Variants in GRM1 observed in about 807,000 individuals in gnomAD.
The protein encoded by GRM1 is metabotropic glutamate receptor 1.
GRM1 carries 33 observed loss-of-function variants against 90.9 expected under a neutral mutation model. The ratio of observed to expected loss-of-function variants is 0.36; its 90% CI spans 0.28 to 0.49. GRM1 has a LOEUF of 0.49. GRM1 is among the 20% of genes least tolerant of loss of function. GRM1 has a pLI of 0.99. For missense variants in GRM1, 1,190 were observed against 1,534.3 expected, an observed-to-expected ratio of 0.78 and a Z score of 3.75; for synonymous variants, 700 against 613.2, an observed-to-expected ratio of 1.14 and a Z score of -2.09.
chr6:146,212,476 C>CT (rs1779715726), intron 2 of GRM1, among the ~76,000 whole-genome samples: 1 of 152,170 alleles, frequency 6.6e-6, no homozygotes. Flanking sequence ...GAGAAAATCT[C>CT]TGAGTTATCT....
At position 146,169,663 on chromosome 6, in the gene GRM1, C is replaced by T. The variant is rs142788048; in HGVS notation, c.950+10066C>T. On this transcript the variant is annotated intron_variant, in intron 2 of 7. Coordinates refer to ENST00000282753, the MANE Select transcript of GRM1 (RefSeq NM_001278064.2). The stretch of plus-strand genomic sequence containing the variant: ...TTCTTATTTTTCGCTGAATTTCCCC[C>T]GCCCTGTTCTGCAGCCTAGAGACTA... 2.8e-3 allele frequency among the ~76,000 whole-genome samples: 430 copies of T among 152,290 alleles called. 3 individuals carry two copies. The highest frequency in any genetic ancestry group is 9.5e-3 in the African/African-American group (393 of 41,548).
intron 2 of GRM1, among the ~76,000 whole-genome samples, chr6:146,215,074 G>A (rs1779823378): frequency 2.6e-5 from 4 of 152,114 alleles, no homozygotes; most frequent in South Asian, 4.1e-4. Context: ...CTTTTCCATG[G>A]TCTGACTGCA....
In GRM1 at chr6:146,238,989, G is replaced by A. The variant is rs544643145; in HGVS notation, c.951-65622G>A. Among the ~76,000 whole-genome samples, 11 of 152,248 alleles carry A rather than the reference G, an allele frequency of 7.2e-5. No homozygotes were observed. The East Asian group carries it at 2.1e-3, about 29-fold the overall frequency. On this transcript the variant is annotated intron_variant, in intron 2 of 7. Coordinates refer to ENST00000282753, the MANE Select transcript of GRM1 (RefSeq NM_001278064.2). ...TCTGCTAATGATAACATTTGACTAT[G>A]AGATTCTTCCTTAACCTTCATACCT...
chr6:146,079,909 T>G (rs1776307441), intron 1 of GRM1, among the ~76,000 whole-genome samples: 1 of 152,236 alleles, frequency 6.6e-6, no homozygotes, highest in African/African-American at 2.4e-5. Context: ...GTTAAAGGTT[T>G]AAAAGATGCC....
At chr6:146,277,011 G>A (rs570928246) in intron 2 of GRM1, among the ~76,000 whole-genome samples, 1 of 152,252 alleles carries the variant, frequency 6.6e-6, no homozygotes, top group East Asian at 1.9e-4. Flanking sequence ...AGGAGGCTGA[G>A]GTGGGAGAAC....
intron 5 of GRM1, among the ~76,000 whole-genome samples, chr6:146,383,064 G>C (rs1255467433): frequency 6.6e-6 from 1 of 152,044 alleles, no homozygotes; most frequent in Non-Finnish European, 1.5e-5. Context: ...AAGATAGAAA[G>C]GATAAATTTC....
At chr6:146,336,015 T>C (rs1784761460) in intron 3 of GRM1, among the ~76,000 whole-genome samples, 1 of 152,206 alleles carries the variant, frequency 6.6e-6, no homozygotes, top group African/African-American at 2.4e-5. Flanking sequence ...CTCCTTCACC[T>C]TCTGCCTTGA....
intron 2 of GRM1, among the ~76,000 whole-genome samples, chr6:146,256,275 G>A (rs911563976): frequency 2.0e-5 from 3 of 152,160 alleles, no homozygotes; most frequent in Admixed American, 2.0e-4. Flanking sequence ...TGCTTAGAGA[G>A]TCCTTGGCTG....
intron 2 of GRM1, among the ~76,000 whole-genome samples, chr6:146,189,272 C>T (rs1778850550): frequency 6.6e-6 from 1 of 152,094 alleles, no homozygotes; most frequent in Non-Finnish European, 1.5e-5. Flanking sequence ...TCCTGTTTTC[C>T]TCAGTGACCT....
intron 1 of GRM1, among the ~76,000 whole-genome samples, chr6:146,040,828 T>A (rs1401017438): frequency 6.6e-6 from 1 of 151,968 alleles, no homozygotes; most frequent in Non-Finnish European, 1.5e-5. Context: ...CTTTATGTGA[T>A]CTTTCTACCA....
intron 7 of GRM1, among the ~76,000 whole-genome samples, chr6:146,427,592 G>C: frequency 6.6e-6 from 1 of 152,324 alleles, no homozygotes; most frequent in South Asian, 2.1e-4. Flanking sequence ...TCAGTGGAGT[G>C]CAATGGGAAG....
intron 2 of GRM1, among the ~76,000 whole-genome samples, chr6:146,248,185 G>A (rs1240955257): frequency 6.6e-6 from 1 of 151,914 alleles, no homozygotes; most frequent in Non-Finnish European, 1.5e-5. Flanking sequence ...ACCCATACCA[G>A]TGTAGCTGCT....
intron 2 of GRM1, among the ~76,000 whole-genome samples, chr6:146,292,950 G>A (rs570477569): frequency 1.5e-3 from 228 of 152,052 alleles, no homozygotes; most frequent in African/African-American, 5.3e-3. Flanking sequence ...AAGGAATGAA[G>A]CACTGATATA....
chr6:146,169,524 A>G lies in GRM1; in HGVS notation c.950+9927A>G, dbSNP rs1340801457. 2.0e-5 allele frequency among the ~76,000 whole-genome samples: 3 copies of G among 152,260 alleles called. No homozygotes were observed. The East Asian group carries it at 5.8e-4, about 29-fold the overall frequency. On this transcript the variant is annotated intron_variant, in intron 2 of 7. Coordinates refer to ENST00000282753, the MANE Select transcript of GRM1 (RefSeq NM_001278064.2). ...GATATGTGTACATCAGAACTTAGCT[A>G]AAGACTGGAGGGAATCCCTCCAAAG...
At chr6:146,418,125 TTAAC>T (rs1288772015) in intron 7 of GRM1, among the ~76,000 whole-genome samples, 1 of 152,140 alleles carries the variant, frequency 6.6e-6, no homozygotes, top group African/African-American at 2.4e-5. Context: ...TCAGTAGTAA[TTAAC>T]TTAAAAATAT....
intron 1 of GRM1, among the ~76,000 whole-genome samples, chr6:146,093,792 G>T (rs1445903175): frequency 6.6e-6 from 1 of 152,118 alleles, no homozygotes; most frequent in Non-Finnish European, 1.5e-5. Context: ...CTCCTTAGGT[G>T]CTTACATGCC....
chr6:146,121,143 A>G (rs1468203761), intron 1 of GRM1, among the ~76,000 whole-genome samples: 1 of 152,192 alleles, frequency 6.6e-6, no homozygotes, highest in Non-Finnish European at 1.5e-5. Context: ...CAGAGGTTCA[A>G]CTTCTTCCTG....
intron 5 of GRM1, among the ~76,000 whole-genome samples, chr6:146,375,277 G>T (rs1030724725): frequency 8.6e-5 from 13 of 151,898 alleles, no homozygotes; most frequent in African/African-American, 3.1e-4. Flanking sequence ...ATTAATACTT[G>T]TTTTGTGACA....
rs73577134 is a variant in GRM1 at position 146,262,131 on chromosome 6, T to A, written c.951-42480T>A. Among the ~76,000 whole-genome samples the A allele has an allele frequency of 8.5e-3, 1,270 of 149,888 alleles. 19 individuals are homozygous for A. Among genetic ancestry groups the A allele is most frequent in the African/African-American group, 0.029 (1,205 of 40,880 alleles). ...AAGACACAAAGGTATAAACCCGAGCTAGCTTCAGGTTTTTATGATAGAAGA... is the reference window on the plus strand; with the variant it reads ...AAGACACAAAGGTATAAACCCGAGCAAGCTTCAGGTTTTTATGATAGAAGA... On this transcript the variant is annotated intron_variant, in intron 2 of 7. Transcript: ENST00000282753.
Sources: allele counts gnomAD v4.1 joint callset (sites outside exome capture counted in the v4.1 genomes callset), GRCh38; gene constraint gnomAD v4.1.1; transcripts MANE v1.5; gene names NCBI Gene and HGNC (gene_info 2026-07-23, HGNC 2026-07-21).